ADGRL1: variants seen among roughly 807,000 people sequenced by gnomAD.
The protein encoded by ADGRL1 is CIRL-1.
In ADGRL1, 31 loss-of-function variants were observed where a neutral mutation model predicts 148.9. That is an observed-to-expected ratio of 0.21 (90% CI 0.16 to 0.28). ADGRL1 has a LOEUF of 0.28. Ranked by LOEUF, ADGRL1 falls within the 10% of genes least tolerant of loss-of-function variation. The pLI, the probability that ADGRL1 is intolerant of heterozygous loss-of-function variation, is 1.00. For missense variants in ADGRL1, 1,521 were observed against 2,058.8 expected, an observed-to-expected ratio of 0.74 and a Z score of 5.05; for synonymous variants, 937 against 900.3, an observed-to-expected ratio of 1.04 and a Z score of -0.73.
chr19:14,150,752 G>A lies in ADGRL1; in HGVS notation c.*121C>T. 4.0e-6 allele frequency: 5 copies of A among 1,236,508 alleles called. No individual in the cohort carries two copies. The highest frequency in any genetic ancestry group is 2.3e-5 in the Admixed American group (1 of 43,590). 76.6% of individuals were successfully genotyped at this position (1,236,508 alleles called of 1,614,324 possible). A position where few individuals can be genotyped will look rare whatever the true frequency, so the allele number is the denominator to read the frequency against. Reference sequence around the variant, plus strand: ...AGGGGACTGTAGGGCCCATGGCTGAGGGGCACCTGGAGAGAGTGGCCCACC... The same window carrying A: ...AGGGGACTGTAGGGCCCATGGCTGAAGGGCACCTGGAGAGAGTGGCCCACC... On this transcript the variant is annotated 3_prime_UTR_variant, in exon 23 of 23. Coordinates refer to ENST00000361434, the MANE Select transcript of ADGRL1 (RefSeq NM_014921.5).
chr19:14,151,278 C>G lies in ADGRL1; in HGVS notation c.4005G>C (p.Leu1335=). Residue 1335 remains leucine, a synonymous_variant, in exon 23 of 23, where the codon CTG becomes CTC. Coordinates refer to ENST00000361434, the MANE Select transcript of ADGRL1 (RefSeq NM_014921.5). ...CCCGGGGCAGCAGCAGAGGCTCCTC[C>G]AGGGCCTTATAGAGAAGTTCAATCT... The part of the protein sequence containing the change: ...RAEIELLYKA[L]EEPLLLPRAQ... 5 of 1,611,792 alleles carry G rather than the reference C, an allele frequency of 3.1e-6. No homozygotes were observed. Among genetic ancestry groups the G allele is most frequent in the Non-Finnish European group, 3.4e-6 (4 of 1,179,588 alleles).
rs533479729 is a variant in ADGRL1 at position 14,152,552 on chromosome 19, G to A, written c.3485C>T (p.Ala1162Val). ...GGTGGGGGTGCTGTTGATGTCACCC[G>A]CCATGAAGGAGGACTCCGTCTGTTT... ...VRKQTESSFM[A>V]GDINSTPTLN... is the part of the protein sequence containing the mutation. Residue 1162 changes from alanine (A) to valine (V), a missense_variant, in exon 20 of 23, where the codon GCG (alanine) becomes GTG (valine). By Grantham distance (64) the Ala-to-Val change is moderately conservative. Transcript: ENST00000361434. The surrounding 1 kb of genome is among the most constrained non-coding windows in gnomAD (Gnocchi z 6.1). 9.9e-6 allele frequency: 16 copies of A among 1,614,104 alleles called. No individual in the cohort carries two copies. Among genetic ancestry groups the A allele is most frequent in the Admixed American group, 5.0e-5 (3 of 60,020 alleles).
intron 1 of ADGRL1, among the ~76,000 whole-genome samples, chr19:14,203,575 C>A (rs1384554508): frequency 2.0e-5 from 3 of 152,174 alleles, no homozygotes; most frequent in Non-Finnish European, 2.9e-5. Context: ...CAAACACACT[C>A]CCGTGCAGCT....
chr19:14,149,455 G>A lies in ADGRL1; in HGVS notation c.*1418C>T, dbSNP rs1443021338. ...CCTTCTGCCATCAACCTCTCTAGGTGGGAAATCAGCCCCATCTTCCCCGGC... is the reference window on the plus strand; with the variant it reads ...CCTTCTGCCATCAACCTCTCTAGGTAGGAAATCAGCCCCATCTTCCCCGGC... On this transcript the variant is annotated 3_prime_UTR_variant, in exon 23 of 23. Coordinates refer to ENST00000361434, the MANE Select transcript of ADGRL1 (RefSeq NM_014921.5). 2 of 153,268 alleles carry A rather than the reference G, an allele frequency of 1.3e-5. No homozygotes were observed. Among genetic ancestry groups the A allele is most frequent in the African/African-American group, 4.8e-5 (2 of 41,450 alleles). 9.5% of individuals were successfully genotyped at this position (153,268 alleles called of 1,614,324 possible). A position where few individuals can be genotyped will look rare whatever the true frequency, so the allele number is the denominator to read the frequency against.
At chr19:14,175,614 T>G (rs1483852888) in intron 3 of ADGRL1, among the ~76,000 whole-genome samples, 1 of 150,598 alleles carries the variant, frequency 6.6e-6, no homozygotes, top group African/African-American at 2.4e-5. Context: ...ACAGACACAC[T>G]CAGACACACT....
At chr19:14,172,393 G>C (rs186373463) in intron 3 of ADGRL1, among the ~76,000 whole-genome samples, 171 of 152,194 alleles carry the variant, frequency 1.1e-3, no homozygotes, top group Non-Finnish European at 1.9e-3. Flanking sequence ...CTGCACTCCA[G>C]CCTGGGTGAC....
Position 14,163,468 on chromosome 19 carries a change from GAGA to G in ADGRL1, c.395-65_395-63del, listed in dbSNP as rs1366719401. 47 of 435,030 alleles carry G rather than the reference GAGA, an allele frequency of 1.1e-4. No individual in the cohort carries two copies. The Admixed American group carries it at 1.7e-3, about 16-fold the overall frequency. 26.9% of individuals were successfully genotyped at this position (435,030 alleles called of 1,614,324 possible). ...GAAGGGGCAGAGGCGAGAGGGAGGA[GAGA>G]GAGAGAGAGAGAGAGAGAGAGAGAG... On this transcript the variant is annotated intron_variant, in intron 4 of 22. Coordinates refer to ENST00000361434, the MANE Select transcript of ADGRL1 (RefSeq NM_014921.5).
chr19:14,152,500 G>A lies in ADGRL1; in HGVS notation c.3520+17C>T, dbSNP rs1427588985. On this transcript the variant is annotated intron_variant, in intron 20 of 22. Coordinates refer to ENST00000361434, the MANE Select transcript of ADGRL1 (RefSeq NM_014921.5). The surrounding 1 kb of genome is among the most constrained non-coding windows in gnomAD (Gnocchi z 6.1). ...CCTCCAGAGACTGAAGCCAGAGGCAGAAGGATGCCTTCTCACCTCGGTTCA... is the reference window on the plus strand; with the variant it reads ...CCTCCAGAGACTGAAGCCAGAGGCAAAAGGATGCCTTCTCACCTCGGTTCA... The A allele has an allele frequency of 1.2e-6, 2 of 1,613,420 alleles. No homozygotes were observed. Among genetic ancestry groups the A allele is most frequent in the Non-Finnish European group, 1.7e-6 (2 of 1,179,422 alleles).
Position 14,157,775 on chromosome 19 carries a change from C to A in ADGRL1, c.2535+107G>T. 1 of 1,384,956 alleles carries A rather than the reference C, an allele frequency of 7.2e-7. No individual in the cohort carries two copies. The highest frequency in any genetic ancestry group is 1.4e-5 in the African/African-American group (1 of 69,582). The allele number at this position is 1,384,956 out of a possible 1,614,324, so 85.8% of individuals were successfully genotyped here. ...GGCAAGACCAGGGGCCCCCCACACC[C>A]ATGGGGCTAGCCTCCCCTGGTACTG... is the stretch of plus-strand genomic sequence containing the variant. On this transcript the variant is annotated intron_variant, in intron 13 of 22. Transcript: ENST00000361434. The surrounding 1 kb of genome is among the most constrained non-coding windows in gnomAD (Gnocchi z 7.5).
In ADGRL1 at chr19:14,160,835, G is replaced by A. The variant is rs755059615; in HGVS notation, c.1511-139C>T. 1 of 686,402 alleles carries A rather than the reference G, an allele frequency of 1.5e-6. No individual in the cohort carries two copies. Among genetic ancestry groups the A allele is most frequent in the Non-Finnish European group, 2.7e-6 (1 of 377,204 alleles). The allele number at this position is 686,402 out of a possible 1,614,324, so 42.5% of individuals were successfully genotyped here. ...GAGGTGAGGGAAACACGGAGAAACA[G>A]ACATGAAGCGGGCTGGACAGTCGAA... On this transcript the variant is annotated intron_variant, in intron 6 of 22. Transcript: ENST00000361434. The surrounding 1 kb of genome is among the most constrained non-coding windows in gnomAD (Gnocchi z 5.9).
intron 1 of ADGRL1, among the ~76,000 whole-genome samples, chr19:14,200,967 C>T (rs1364140709): frequency 6.6e-6 from 1 of 152,152 alleles, no homozygotes; most frequent in East Asian, 1.9e-4. Context: ...CAATTCTGCC[C>T]CTGATCCCAG....
chr19:14,156,131 G>A lies in ADGRL1; in HGVS notation c.3104C>T (p.Ser1035Phe). 2 of 1,612,512 alleles carry A rather than the reference G, an allele frequency of 1.2e-6. No individual in the cohort carries two copies. Among genetic ancestry groups the A allele is most frequent in the Non-Finnish European group, 1.7e-6 (2 of 1,179,742 alleles). The change falls in exon 17 of 23, where the codon TCC (serine) becomes TTC (phenylalanine). Residue 1035 changes from serine to phenylalanine, a missense_variant. Physicochemically the swap from Ser to Phe is radical, Grantham distance 155 (BLOSUM62 -2). This residue lies in a region of ADGRL1 where 185 missense variants were observed against 251.7 expected (regional missense o/e 0.74). Coordinates refer to ENST00000361434, the MANE Select transcript of ADGRL1 (RefSeq NM_014921.5). Reference protein sequence around the residue: ...IRSSSVLKPDSSRLDNIKSWA... With the variant: ...IRSSSVLKPDFSRLDNIKSWA... The stretch of plus-strand genomic sequence containing the variant: ...TCACTTAATGTTGTCCAGGCGGCTG[G>A]AGTCGGGCTTGAGCACAGATGAGCT...
Position 14,148,353 on chromosome 19 carries a change from T to G in ADGRL1, c.*2520A>C, listed in dbSNP as rs1260449592. The G allele has an allele frequency of 6.6e-6, 1 of 152,250 alleles. No individual in the cohort carries two copies. Among genetic ancestry groups the G allele is most frequent in the Non-Finnish European group, 1.5e-5 (1 of 68,090 alleles). 9.4% of individuals were successfully genotyped at this position (152,250 alleles called of 1,614,324 possible). On this transcript the variant is annotated 3_prime_UTR_variant, in exon 23 of 23. Coordinates refer to ENST00000361434, the MANE Select transcript of ADGRL1 (RefSeq NM_014921.5). ...AGGACCCGATACACCCTCTCTCCCT[T>G]TGATTGTCCGAGTCTGGAGAGATAC...
chr19:14,163,494 GAGA>G (rs1314646196), intron 4 of ADGRL1, 88 bp from the exon 5 acceptor site: 173 of 984,734 alleles, frequency 1.8e-4, no homozygotes, highest in Middle Eastern at 9.9e-4. Flanking sequence ...GAGAGAGAGA[GAGA>G]GGGGGGAGAG....
chr19:14,199,687 G>A (rs1406645760), intron 1 of ADGRL1, among the ~76,000 whole-genome samples: 2 of 152,118 alleles, frequency 1.3e-5, no homozygotes, highest in Non-Finnish European at 2.9e-5. Flanking sequence ...CCAAAGTGCT[G>A]GGATTACAGG....
rs1461791118 is a variant in ADGRL1 at position 14,161,951 on chromosome 19, G to A, written c.1196-325C>T. ...CCTCCCAGGTTGAGCCCGAGGGCAG[G>A]AGCCCTCCCCAATCCAGGTCAGCCC... On this transcript the variant is annotated intron_variant, in intron 5 of 22. Transcript: ENST00000361434. This position sits in a 1 kb window ranked among gnomAD's most constrained non-coding sequence, Gnocchi z 4.4. 3.3e-5 allele frequency among the ~76,000 whole-genome samples: 5 copies of A among 152,156 alleles called. No individual in the cohort carries two copies. The highest frequency in any genetic ancestry group is 1.2e-4 in the African/African-American group (5 of 41,426).
In ADGRL1 at chr19:14,161,232, C is replaced by A; in HGVS notation, c.1510+80G>T. On this transcript the variant is annotated intron_variant, in intron 6 of 22. Transcript: ENST00000361434. This position sits in a 1 kb window ranked among gnomAD's most constrained non-coding sequence, Gnocchi z 4.4. ...AAAACCTCTGCTCCGCAGTAGAGACCCCCACCCACACATGCATCTGTGCTA... is the reference window on the plus strand; with the variant it reads ...AAAACCTCTGCTCCGCAGTAGAGACACCCACCCACACATGCATCTGTGCTA... The A allele has an allele frequency of 7.4e-7, 1 of 1,342,988 alleles. No homozygotes were observed. Among genetic ancestry groups the A allele is most frequent in the Non-Finnish European group, 9.9e-7 (1 of 1,013,008 alleles). 83.2% of individuals were successfully genotyped at this position (1,342,988 alleles called of 1,614,324 possible).
At chr19:14,205,027 C>T (rs1377049444) in intron 1 of ADGRL1, among the ~76,000 whole-genome samples, 1 of 151,976 alleles carries the variant, frequency 6.6e-6, no homozygotes, top group Non-Finnish European at 1.5e-5. Context: ...TGTGAGGACC[C>T]GGACTGGAAG....
At chr19:14,193,238 G>A (rs1203783289) in intron 1 of ADGRL1, among the ~76,000 whole-genome samples, 4 of 144,566 alleles carry the variant, frequency 2.8e-5, no homozygotes, top group Admixed American at 2.1e-4. Context: ...TCTGGAGGGG[G>A]AGGATTGAAA....
Sources: gnomAD v4.1 joint callset for allele counts (sites outside exome capture counted in the v4.1 genomes callset) on GRCh38, gnomAD v4.1.1 for gene constraint, gnomAD v4.1.1 regional missense constraint, Gnocchi (gnomAD v3.1) non-coding constraint, MANE v1.5 for transcripts, NCBI Gene and HGNC (gene_info 2026-07-23, HGNC 2026-07-21) for gene names.